The following SORCS1 variants were observed in gnomAD, a reference collection of about 807,000 sequenced individuals.
The protein encoded by SORCS1 is sortilin related VPS10 domain containing receptor 1, also known as VPS10 domain-containing receptor SorCS1.
In SORCS1, 60 loss-of-function variants were observed where a neutral mutation model predicts 146.1. That is an observed-to-expected ratio of 0.41 (90% CI 0.33 to 0.51). SORCS1 has a LOEUF of 0.51. Ranked by LOEUF, SORCS1 falls within the 20% of genes least tolerant of loss-of-function variation. The pLI, the probability that SORCS1 is intolerant of heterozygous loss-of-function variation, is 0.21. For synonymous variants in SORCS1, 637 were observed against 584.0 expected (o/e 1.09, Z -1.31); for missense variants, 1,352 against 1,487.6 (o/e 0.91, Z 1.50).
chr10:106,814,590 C>G (rs1448489017), intron 3 of SORCS1, among the ~76,000 whole-genome samples: 1 of 152,160 alleles, frequency 6.6e-6, no homozygotes, highest in East Asian at 1.9e-4. Context: ...GTTCTGTAAT[C>G]ATTCTGAAAA....
chr10:106,719,579 C>T (rs12244005), intron 6 of SORCS1, among the ~76,000 whole-genome samples: 2 of 151,974 alleles, frequency 1.3e-5, no homozygotes, highest in Non-Finnish European at 2.9e-5. Flanking sequence ...TGCCCAGCTA[C>T]TTTTTGTATT....
intron 13 of SORCS1, 64 bp downstream of exon 13, chr10:106,677,249 C>T (rs893064039): frequency 2.1e-5 from 30 of 1,440,808 alleles, no homozygotes; most frequent in Non-Finnish European, 2.9e-5. Flanking sequence ...AGCCTGACTC[C>T]TAGACTGATC....
chr10:106,629,127 A>G lies in SORCS1; in HGVS notation c.2662+75T>C. 2.2e-6 allele frequency: 3 copies of G among 1,349,230 alleles called. No individual in the cohort carries two copies. In the South Asian group the frequency reaches 4.2e-5, roughly 19 times the overall value. The allele number at this position is 1,349,230 out of a possible 1,614,324, so 83.6% of individuals were successfully genotyped here. A position where few individuals can be genotyped will look rare whatever the true frequency, so the allele number is the denominator to read the frequency against. ...GATAACTAGTGTACTTCTTCTAGAT[A>G]TAAAATTGTGAATTCAATTTGAAAA... On this transcript the variant is annotated intron_variant, in intron 19 of 25. Transcript: ENST00000263054.
chr10:107,015,321 G>C (rs986205663), intron 1 of SORCS1, among the ~76,000 whole-genome samples: 2 of 152,126 alleles, frequency 1.3e-5, no homozygotes, highest in African/African-American at 4.8e-5. Flanking sequence ...ATGTCAGAAG[G>C]TGACTTGTGT....
chr10:106,925,844 T>C (rs1489574686), intron 2 of SORCS1, among the ~76,000 whole-genome samples: 2 of 152,182 alleles, frequency 1.3e-5, no homozygotes, highest in African/African-American at 2.4e-5. Flanking sequence ...ATAAAGCTAA[T>C]GATTTTGGTA....
chr10:107,001,882 A>T (rs1171465730), intron 1 of SORCS1, among the ~76,000 whole-genome samples: 1 of 152,212 alleles, frequency 6.6e-6, no homozygotes, highest in African/African-American at 2.4e-5. Flanking sequence ...ATTCACACCA[A>T]TCTGTTATTA....
At chr10:106,829,341 C>T (rs1180025287) in intron 3 of SORCS1, among the ~76,000 whole-genome samples, 1 of 152,194 alleles carries the variant, frequency 6.6e-6, no homozygotes, top group Non-Finnish European at 1.5e-5. Context: ...TTCTTTGTAG[C>T]TGCCTTTTGG....
At chr10:106,862,987 A>C (rs557240562) in intron 2 of SORCS1, among the ~76,000 whole-genome samples, 3 of 152,302 alleles carry the variant, frequency 2.0e-5, no homozygotes, top group Non-Finnish European at 4.4e-5. Flanking sequence ...TCGATTAAAA[A>C]AATTTTGTAA....
chr10:106,755,421 G>A (rs950999831), intron 5 of SORCS1, among the ~76,000 whole-genome samples: 1 of 152,152 alleles, frequency 6.6e-6, no homozygotes, highest in African/African-American at 2.4e-5. Flanking sequence ...ATCTTGTTAA[G>A]AGGATCAAAT....
At chr10:107,178,184 G>T in the SORCS1 span, among the ~76,000 whole-genome samples, 1 of 152,102 alleles carries the variant, frequency 6.6e-6, no homozygotes, top group Non-Finnish European at 1.5e-5. Flanking sequence ...AAAGAAATTT[G>T]CAGTATATTG....
chr10:106,959,789 G>A (rs1354222529), intron 1 of SORCS1, among the ~76,000 whole-genome samples: 2 of 152,198 alleles, frequency 1.3e-5, no homozygotes, highest in East Asian at 1.9e-4. Flanking sequence ...TGGGAGTGAG[G>A]TGCAGGACAC....
chr10:106,765,110 C>G (rs1208140193), intron 4 of SORCS1, among the ~76,000 whole-genome samples: 2 of 150,560 alleles, frequency 1.3e-5, no homozygotes, highest in African/African-American at 4.9e-5. Context: ...ACTGAAGGAG[C>G]AGAAATGTTA....
At chr10:106,993,235 T>C (rs1285211440) in intron 1 of SORCS1, among the ~76,000 whole-genome samples, 2 of 152,230 alleles carry the variant, frequency 1.3e-5, no homozygotes, top group Non-Finnish European at 2.9e-5. Context: ...CTGGAAACCC[T>C]ACCCATACAT....
intron 1 of SORCS1, among the ~76,000 whole-genome samples, chr10:106,992,826 CTTTTTTTT>C (rs36052970): frequency 2.6e-4 from 15 of 57,086 alleles, no homozygotes; most frequent in African/African-American, 1.2e-3. Flanking sequence ...TTCTTTCTTT[CTTTTTTTT>C]TTTTTTTTTT....
Position 107,134,412 on chromosome 10 carries a change from A to G in SORCS1, c.558+29557T>C, listed in dbSNP as rs1967107040. Among the ~76,000 whole-genome samples the G allele has an allele frequency of 1.3e-5, 2 of 152,086 alleles. 1 individual carries two copies. Among genetic ancestry groups the G allele is most frequent in the Admixed American group, 1.3e-4 (2 of 15,256 alleles). ...CCAGAACTTTGGGAGGCCAAGGCGG[A>G]TGGATCACGAGGTCAGGAGATCGAG... On this transcript the variant is annotated intron_variant, in intron 1 of 25. Transcript: ENST00000263054.
intron 2 of SORCS1, among the ~76,000 whole-genome samples, chr10:106,899,759 C>A (rs1486253663): frequency 6.6e-6 from 1 of 152,052 alleles, no homozygotes; most frequent in Non-Finnish European, 1.5e-5. Flanking sequence ...GATTCAAAAT[C>A]CCTTAACTTC....
intron 17 of SORCS1, among the ~76,000 whole-genome samples, chr10:106,655,977 T>C (rs1270143596): frequency 1.3e-5 from 2 of 152,234 alleles, no homozygotes; most frequent in African/African-American, 4.8e-5. Context: ...TGAATATTAC[T>C]GGGATGCATT....
At chr10:106,792,660 G>A (rs189428150) in intron 3 of SORCS1, among the ~76,000 whole-genome samples, 9 of 152,280 alleles carry the variant, frequency 5.9e-5, no homozygotes, top group African/African-American at 1.9e-4. Flanking sequence ...TCGTAAGCAC[G>A]GGCTTATAGA....
chr10:106,667,618 T>A, intron 17 of SORCS1, 71 bp downstream of exon 17: 2 of 993,428 alleles, frequency 2.0e-6, no homozygotes, highest in Admixed American at 3.8e-5. Flanking sequence ...TCAGAAGTAA[T>A]TCTGTCAGTA....
Sources: gnomAD v4.1 joint callset for allele counts (sites outside exome capture counted in the v4.1 genomes callset) on GRCh38, gnomAD v4.1.1 for gene constraint, MANE v1.5 for transcripts, NCBI Gene and HGNC (gene_info 2026-07-23, HGNC 2026-07-21) for gene names.